Variants in ERICH3 observed in about 807,000 individuals in gnomAD.
ERICH3 encodes the protein glutamate-rich protein 3.
In ERICH3, 126 loss-of-function variants were observed where a neutral mutation model predicts 131.1. That is an observed-to-expected ratio of 0.96 (90% CI 0.83 to 1.11). The LOEUF is 1.11. Among genes scored for constraint, ERICH3 ranks in the 50% most tolerant of loss-of-function variants. The probability of loss-of-function intolerance (pLI) is 0.00; values close to 1 mark genes in which losing one functional copy is unlikely to be tolerated. For missense variants in ERICH3, 2,050 were observed against 1,810.7 expected (o/e 1.13, Z -2.40); for synonymous variants, 695 against 644.6 (o/e 1.08, Z -1.18).
intron 10 of ERICH3, among the ~76,000 whole-genome samples, chr1:74,602,425 C>T (rs898594743): frequency 2.0e-5 from 3 of 151,898 alleles, no homozygotes; most frequent in African/African-American, 7.2e-5. Flanking sequence ...TTCTGTTCTC[C>T]CATCCCATTT....
intron 11 of ERICH3, among the ~76,000 whole-genome samples, chr1:74,590,635 T>A (rs1202379562): frequency 6.6e-6 from 1 of 152,180 alleles, no homozygotes; most frequent in African/African-American, 2.4e-5. Context: ...CGATAGGGGA[T>A]GGGAAGTGGC....
At chr1:74,641,032 C>A (rs1477704679) in intron 5 of ERICH3, among the ~76,000 whole-genome samples, 3 of 152,024 alleles carry the variant, frequency 2.0e-5, no homozygotes, top group Admixed American at 1.3e-4. Context: ...AGAGTCTGAG[C>A]TTTTCTGTAG....
chr1:74,658,410 C>T (rs920621285), intron 1 of ERICH3, among the ~76,000 whole-genome samples: 10 of 152,088 alleles, frequency 6.6e-5, no homozygotes, highest in African/African-American at 2.4e-4. Flanking sequence ...AGGGAGAAGT[C>T]AAATCGTACA....
Position 74,572,909 on chromosome 1 carries a change from T to C in ERICH3, c.2801A>G (p.Glu934Gly), listed in dbSNP as rs1308168581. 2 of 1,613,824 alleles carry C rather than the reference T, an allele frequency of 1.2e-6. No individual in the cohort carries two copies. The highest frequency in any genetic ancestry group is 3.3e-5 in the Admixed American group (2 of 59,984). ...GACATCACTCACAGCCACCCCACCC[T>C]CAGCCTCTCCCTCCTCCGATGTCGC... Reference protein sequence around the residue: ...EAATSEEGEAEGGVAVSDVGE... With the variant: ...EAATSEEGEAGGGVAVSDVGE... The change falls in exon 14 of 15, where the codon GAG (glutamate) becomes GGG (glycine). Residue 934 changes from glutamate to glycine, a missense_variant. By Grantham distance (98) the Glu-to-Gly change is moderately conservative. Transcript: ENST00000326665.
At chr1:74,601,533 T>C (rs992872414) in intron 10 of ERICH3, among the ~76,000 whole-genome samples, 1 of 151,800 alleles carries the variant, frequency 6.6e-6, no homozygotes, top group African/African-American at 2.4e-5. Flanking sequence ...GGACATATAA[T>C]TAATTATGTG....
intron 1 of ERICH3, among the ~76,000 whole-genome samples, chr1:74,661,925 T>G (rs1420608527): frequency 6.6e-6 from 1 of 152,178 alleles, no homozygotes. Flanking sequence ...GACATTGATT[T>G]TTTTCTCTTT....
rs1372410942 is a variant in ERICH3 at position 74,569,730 on chromosome 1, A to C, written c.*728T>G. The C allele has an allele frequency of 3.9e-5, 6 of 152,212 alleles. No individual in the cohort carries two copies. Among genetic ancestry groups the C allele is most frequent in the Admixed American group, 3.9e-4 (6 of 15,282 alleles). The allele number at this position is 152,212 out of a possible 1,614,324, so 9.4% of individuals were successfully genotyped here. ...GCCCTATAAAGAAGGCCCCAGGGAC[A>C]AAATGCTGGAAGCTACCATTTTACT... On this transcript the variant is annotated 3_prime_UTR_variant, in exon 15 of 15. Coordinates refer to ENST00000326665, the MANE Select transcript of ERICH3 (RefSeq NM_001002912.5).
chr1:74,598,122 T>C (rs1018738943), intron 11 of ERICH3, among the ~76,000 whole-genome samples: 4 of 151,984 alleles, frequency 2.6e-5, no homozygotes, highest in Admixed American at 2.6e-4. Context: ...TTCTTATATG[T>C]AGCTTTCTCT....
intron 8 of ERICH3, among the ~76,000 whole-genome samples, chr1:74,614,590 T>C (rs1466968999): frequency 6.7e-6 from 1 of 148,408 alleles, no homozygotes; most frequent in Non-Finnish European, 1.5e-5. Context: ...GGCAGGAGAA[T>C]GGCGTGAACC....
intron 7 of ERICH3, among the ~76,000 whole-genome samples, chr1:74,628,989 T>C (rs1040825458): frequency 6.6e-6 from 1 of 152,042 alleles, no homozygotes; most frequent in African/African-American, 2.4e-5. Context: ...GTAACATAAT[T>C]AACATTTATC....
chr1:74,572,845 G>T lies in ERICH3; in HGVS notation c.2865C>A (p.Asp955Glu). ...SEEEASIDLE[D>E]TGPMEDTASK... is the part of the protein sequence containing the mutation. Reference sequence around the variant, plus strand: ...ATGCTGTGTCCTCCATGGGTCCTGTGTCCTCTAGGTCTATGGATGCTTCCT... The same window carrying T: ...ATGCTGTGTCCTCCATGGGTCCTGTTTCCTCTAGGTCTATGGATGCTTCCT... The change falls in exon 14 of 15, where the codon GAC (aspartate) becomes GAA (glutamate). Residue 955 changes from aspartate to glutamate, a missense_variant. Transcript: ENST00000326665. 1.2e-6 allele frequency: 2 copies of T among 1,613,702 alleles called. No homozygotes were observed. The highest frequency in any genetic ancestry group is 1.7e-6 in the Non-Finnish European group (2 of 1,180,000).
At chr1:74,628,727 AAAT>A (rs1436188795) in intron 7 of ERICH3, among the ~76,000 whole-genome samples, 1 of 152,056 alleles carries the variant, frequency 6.6e-6, no homozygotes, top group Non-Finnish European at 1.5e-5. Context: ...ACACTAAAGA[AAAT>A]AAGAAGTATT....
chr1:74,647,203 A>C (rs921781496), intron 2 of ERICH3, among the ~76,000 whole-genome samples: 1 of 152,072 alleles, frequency 6.6e-6, no homozygotes, highest in Non-Finnish European at 1.5e-5. Context: ...GATGGAACCC[A>C]GGTGTTCTTT....
intron 7 of ERICH3, among the ~76,000 whole-genome samples, chr1:74,629,318 T>C (rs74093476): frequency 2.4e-3 from 361 of 151,448 alleles, no homozygotes; most frequent in African/African-American, 8.2e-3. Context: ...AGAGCATCAG[T>C]CTAGTAGTTC....
chr1:74,589,979 T>C lies in ERICH3; in HGVS notation c.1828A>G (p.Ser610Gly). Residue 610 changes from serine to glycine, a missense_variant, in exon 12 of 15, where the codon AGC becomes GGC. Ser to Gly is a moderately conservative substitution (Grantham distance 56). Coordinates refer to ENST00000326665, the MANE Select transcript of ERICH3 (RefSeq NM_001002912.5). ...GACCTTCTGGCACTTTCATCTGTGC[T>C]GCTGTCAGTGTGGGCTTCCCTGTCC... ...VGDREAHTDS[S>G]TDESARRSSS... 1 of 1,614,054 alleles carries C rather than the reference T, an allele frequency of 6.2e-7. No homozygotes were observed. The highest frequency in any genetic ancestry group is 8.5e-7 in the Non-Finnish European group (1 of 1,179,946).
At chr1:74,606,456 A>C (rs1648396156) in intron 10 of ERICH3, 145 bp downstream of exon 10, 1 of 782,118 alleles carries the variant, frequency 1.3e-6, no homozygotes, top group Non-Finnish European at 2.0e-6. Flanking sequence ...CATACAAAAC[A>C]GCAAAGGAAG....
chr1:74,671,712 C>A (rs146311142), intron 1 of ERICH3, among the ~76,000 whole-genome samples: 82 of 152,282 alleles, frequency 5.4e-4, no homozygotes, highest in Middle Eastern at 3.4e-3. Flanking sequence ...TGGAGCCTGG[C>A]ACATCGTATG....
chr1:74,616,994 G>T (rs900950225), intron 8 of ERICH3, among the ~76,000 whole-genome samples: 2 of 152,006 alleles, frequency 1.3e-5, no homozygotes, highest in Non-Finnish European at 2.9e-5. Context: ...ATATACTTTT[G>T]GGGACGTTAG....
In ERICH3 at chr1:74,636,317, G is replaced by A. The variant is rs1198403174; in HGVS notation, c.566C>T (p.Thr189Ile). The change falls in exon 6 of 15, where the codon ACC becomes ATC. Residue 189 changes from threonine to isoleucine, a missense_variant. Physicochemically the swap from Thr to Ile is moderately conservative, Grantham distance 89. Transcript: ENST00000326665. ...CAGAGCTTCATTTTCCAGCAATGAGGTTTTTGATCTGGACCTTGAAGTTAC... is the reference window on the plus strand; with the variant it reads ...CAGAGCTTCATTTTCCAGCAATGAGATTTTTGATCTGGACCTTGAAGTTAC... ...PKVTSRSRSK[T>I]SLLENEALFP... 13 of 1,610,364 alleles carry A rather than the reference G, an allele frequency of 8.1e-6. No homozygotes were observed. Among genetic ancestry groups the A allele is most frequent in the Non-Finnish European group, 1.1e-5 (13 of 1,177,840 alleles).
Sources: allele counts gnomAD v4.1 joint callset (sites outside exome capture counted in the v4.1 genomes callset), GRCh38; gene constraint gnomAD v4.1.1; transcripts MANE v1.5; gene names NCBI Gene and HGNC (gene_info 2026-07-23, HGNC 2026-07-21).